The following LRRTM3 variants were observed in gnomAD, a reference collection of about 807,000 sequenced individuals.
LRRTM3 encodes the protein leucine-rich repeat transmembrane neuronal protein 3.
Under a neutral mutation model 44.7 loss-of-function variants are expected in LRRTM3, and 24 were observed. The ratio of observed to expected loss-of-function variants is 0.54; its 90% CI spans 0.39 to 0.76. LRRTM3 has a LOEUF of 0.76. Among genes scored for constraint, LRRTM3 ranks in the 30% least tolerant of loss-of-function variants. LRRTM3 has a pLI of 0.00. For missense variants in LRRTM3, 587 were observed against 702.2 expected, an observed-to-expected ratio of 0.84 and a Z score of 1.85; for synonymous variants, 277 against 278.7, an observed-to-expected ratio of 0.99 and a Z score of 0.06.
At chr10:67,063,191 T>A (rs1330928481) in intron 2 of LRRTM3, among the ~76,000 whole-genome samples, 3 of 152,180 alleles carry the variant, frequency 2.0e-5, no homozygotes, top group African/African-American at 7.2e-5. Context: ...CAAGTATGGA[T>A]GCTCAAGACA....
At chr10:67,093,186 C>A (rs1857758003) in intron 2 of LRRTM3, among the ~76,000 whole-genome samples, 1 of 151,844 alleles carries the variant, frequency 6.6e-6, no homozygotes, top group Non-Finnish European at 1.5e-5. Context: ...AGCCTTCCAA[C>A]AAAAGATCTG....
chr10:67,000,870 A>T (rs1851645830), intron 2 of LRRTM3, among the ~76,000 whole-genome samples: 1 of 152,178 alleles, frequency 6.6e-6, no homozygotes, highest in Non-Finnish European at 1.5e-5. Flanking sequence ...GTCTAGCCAA[A>T]GTCAATTACT....
chr10:66,926,962 C>T lies in LRRTM3; in HGVS notation c.46C>T (p.Leu16=). Reference sequence around the variant, plus strand: ...GCTACTGAGCGGATCAGCTGTAGCACTGGTTATAGCCCCCACTGTCTTACT... The same window carrying T: ...GCTACTGAGCGGATCAGCTGTAGCATTGGTTATAGCCCCCACTGTCTTACT... ...IRLLSGSAVA[L]VIAPTVLLTM... The change falls in exon 2 of 3, where the codon CTG becomes TTG. Residue 16 remains leucine, a synonymous_variant. Coordinates refer to ENST00000361320, the MANE Select transcript of LRRTM3 (RefSeq NM_178011.5). 3.1e-6 allele frequency: 5 copies of T among 1,613,220 alleles called. No individual in the cohort carries two copies. The highest frequency in any genetic ancestry group is 4.2e-6 in the Non-Finnish European group (5 of 1,179,612).
At position 66,928,230 on chromosome 10, in the gene LRRTM3, C is replaced by T. The variant is rs1184603889; in HGVS notation, c.1314C>T (p.Ile438=). 2 of 1,614,048 alleles carry T rather than the reference C, an allele frequency of 1.2e-6. No individual in the cohort carries two copies. The highest frequency in any genetic ancestry group is 2.2e-5 in the East Asian group (1 of 44,878). Residue 438 remains isoleucine, a synonymous_variant, in exon 2 of 3, where the codon ATC becomes ATT. Coordinates refer to ENST00000361320, the MANE Select transcript of LRRTM3 (RefSeq NM_178011.5). ...FLSVLVILLV[I]YVSWKRYPAS... The stretch of plus-strand genomic sequence containing the variant: ...CCGTGCTCGTCATCCTGCTGGTTAT[C>T]TACGTGTCATGGAAGCGGTACCCTG...
chr10:66,950,286 A>G (rs1254994132), intron 2 of LRRTM3, among the ~76,000 whole-genome samples: 1 of 152,036 alleles, frequency 6.6e-6, no homozygotes, highest in East Asian at 1.9e-4. Context: ...AAAATTTTCT[A>G]ACTTGAAGTA....
chr10:67,018,490 T>A (rs16923937), intron 2 of LRRTM3, among the ~76,000 whole-genome samples: 3,616 of 152,342 alleles, frequency 0.024, 152 homozygotes, highest in African/African-American at 0.082. Context: ...CTAGTACAAC[T>A]GTTATAAACA....
chr10:67,040,349 C>T (rs919719906), intron 2 of LRRTM3, among the ~76,000 whole-genome samples: 4 of 151,994 alleles, frequency 2.6e-5, no homozygotes, highest in African/African-American at 9.7e-5. Flanking sequence ...AGAGAACAAC[C>T]TCAGTAGTAA....
intron 2 of LRRTM3, among the ~76,000 whole-genome samples, chr10:66,988,480 G>T (rs1011423271): frequency 2.0e-5 from 3 of 152,104 alleles, no homozygotes; most frequent in East Asian, 1.9e-4. Context: ...CTTACTGAGT[G>T]GAAAAGCTCC....
At chr10:66,939,735 A>G (rs1847896776) in intron 2 of LRRTM3, among the ~76,000 whole-genome samples, 1 of 152,176 alleles carries the variant, frequency 6.6e-6, no homozygotes, top group South Asian at 2.1e-4. Flanking sequence ...CTTTTTTGGA[A>G]CATACGTGAT....
intron 2 of LRRTM3, among the ~76,000 whole-genome samples, chr10:67,054,099 A>G (rs747399948): frequency 6.6e-6 from 1 of 152,206 alleles, no homozygotes; most frequent in Non-Finnish European, 1.5e-5. Context: ...TAAGCAGCTT[A>G]GTATCCATCG....
Position 66,927,549 on chromosome 10 carries a change from C to T in LRRTM3, c.633C>T (p.His211=), listed in dbSNP as rs1847146203. 2 of 1,614,036 alleles carry T rather than the reference C, an allele frequency of 1.2e-6. No individual in the cohort carries two copies. The highest frequency in any genetic ancestry group is 8.5e-7 in the Non-Finnish European group (1 of 1,180,044). Reference sequence around the variant, plus strand: ...GCATGATCAGACTCAAAGAACTTCACCTGGAGCACAATCAATTTTCCAAGC... The same window carrying T: ...GCATGATCAGACTCAAAGAACTTCATCTGGAGCACAATCAATTTTCCAAGC... The part of the protein sequence containing the change: ...FAGMIRLKEL[H]LEHNQFSKLN... The change falls in exon 2 of 3, where the codon CAC becomes CAT. Residue 211 remains histidine, a synonymous_variant. Transcript: ENST00000361320. This position sits in a 1 kb window ranked among gnomAD's most constrained non-coding sequence, Gnocchi z 4.7.
At chr10:66,984,820 TA>T (rs1850636545) in intron 2 of LRRTM3, among the ~76,000 whole-genome samples, 1 of 152,188 alleles carries the variant, frequency 6.6e-6, no homozygotes, top group African/African-American at 2.4e-5. Flanking sequence ...AACTCACAAA[TA>T]AACAGAATTA....
At chr10:66,970,483 A>G (rs897929236) in intron 2 of LRRTM3, among the ~76,000 whole-genome samples, 3 of 134,132 alleles carry the variant, frequency 2.2e-5, no homozygotes, top group Non-Finnish European at 4.8e-5. Context: ...ATACTCCACA[A>G]AAGGTCTATA....
intron 2 of LRRTM3, among the ~76,000 whole-genome samples, chr10:66,940,121 G>C (rs549403953): frequency 1.3e-5 from 2 of 152,204 alleles, no homozygotes; most frequent in South Asian, 4.1e-4. Flanking sequence ...CTTAGGTAGA[G>C]AATCTTGGGC....
intron 2 of LRRTM3, among the ~76,000 whole-genome samples, chr10:67,041,215 T>C: frequency 6.6e-6 from 1 of 152,062 alleles, no homozygotes; most frequent in East Asian, 1.9e-4. Flanking sequence ...CTTGTCAGAA[T>C]AGATTTTCTG....
chr10:67,089,788 C>T (rs190955781), intron 2 of LRRTM3, among the ~76,000 whole-genome samples: 226 of 150,974 alleles, frequency 1.5e-3, no homozygotes, highest in African/African-American at 5.2e-3. Flanking sequence ...GTCTCCTAGG[C>T]CCCCCATCCA....
At chr10:66,992,665 T>C (rs1258893039) in intron 2 of LRRTM3, among the ~76,000 whole-genome samples, 4 of 152,162 alleles carry the variant, frequency 2.6e-5, no homozygotes, top group Admixed American at 6.5e-5. Flanking sequence ...TTAAATGTTC[T>C]TATCACAGTT....
chr10:66,947,677 T>C (rs948281465), intron 2 of LRRTM3, among the ~76,000 whole-genome samples: 1 of 152,196 alleles, frequency 6.6e-6, no homozygotes, highest in Non-Finnish European at 1.5e-5. Flanking sequence ...TACTTTTTCT[T>C]TCATTCTGTT....
At chr10:67,028,581 G>A (rs1034586392) in intron 2 of LRRTM3, among the ~76,000 whole-genome samples, 20 of 150,646 alleles carry the variant, frequency 1.3e-4, no homozygotes. Context: ...CAAACAGCAT[G>A]TGCAATGAGA....
Sources: allele counts gnomAD v4.1 joint callset (sites outside exome capture counted in the v4.1 genomes callset), GRCh38; gene constraint gnomAD v4.1.1; non-coding constraint Gnocchi (gnomAD v3.1); transcripts MANE v1.5; gene names NCBI Gene and HGNC (gene_info 2026-07-23, HGNC 2026-07-21).